ROBO2: variants seen among roughly 807,000 people sequenced by gnomAD.
ROBO2 encodes roundabout guidance receptor 2.
ROBO2 carries 53 observed loss-of-function variants against 160.8 expected under a neutral mutation model. The observed-to-expected ratio is 0.33, with a 90% CI of 0.26 to 0.41. ROBO2 has a LOEUF of 0.41. Among genes scored for constraint, ROBO2 ranks in the 10% least tolerant of loss-of-function variants. The pLI, the probability that ROBO2 is intolerant of heterozygous loss-of-function variation, is 1.00. For synonymous variants in ROBO2, 664 were observed against 611.7 expected, an observed-to-expected ratio of 1.09 and a Z score of -1.26; for missense variants, 1,577 against 1,722.4, an observed-to-expected ratio of 0.92 and a Z score of 1.49.
At chr3:77,388,017 A>T (rs2074312641) in intron 2 of ROBO2, among the ~76,000 whole-genome samples, 1 of 152,082 alleles carries the variant, frequency 6.6e-6, no homozygotes, top group African/African-American at 2.4e-5. Flanking sequence ...AAAAAAGAAA[A>T]AAAAATGAGT....
chr3:76,193,646 C>A (rs1419969317), intron 2 of ROBO2, among the ~76,000 whole-genome samples: 1 of 152,148 alleles, frequency 6.6e-6, no homozygotes, highest in Non-Finnish European at 1.5e-5. Context: ...AGGGGAAAAT[C>A]TTTCGAAACT....
intron 2 of ROBO2, among the ~76,000 whole-genome samples, chr3:76,032,499 T>C (rs1021613305): frequency 6.6e-6 from 1 of 152,246 alleles, no homozygotes; most frequent in African/African-American, 2.4e-5. Flanking sequence ...CATTTAGTGC[T>C]ATAAATTTCC....
chr3:77,039,090 A>G (rs1414224990), upstream of ROBO2, among the ~76,000 whole-genome samples: 2 of 152,258 alleles, frequency 1.3e-5, no homozygotes, highest in African/African-American at 4.8e-5. Context: ...GTAACATAAG[A>G]GGGGCTGCCT....
intron 2 of ROBO2, among the ~76,000 whole-genome samples, chr3:76,417,585 G>A (rs1017097853): frequency 6.6e-6 from 1 of 152,026 alleles, no homozygotes; most frequent in Non-Finnish European, 1.5e-5. Flanking sequence ...AAAAAAAGGA[G>A]GGGTTTATTC....
At chr3:77,133,807 T>G (rs72891540) in intron 2 of ROBO2, among the ~76,000 whole-genome samples, 1 of 152,076 alleles carries the variant, frequency 6.6e-6, no homozygotes, top group Non-Finnish European at 1.5e-5. Flanking sequence ...ATTTGTTTGT[T>G]ATATATGTTG....
chr3:76,000,883 T>C (rs537196803), intron 2 of ROBO2, among the ~76,000 whole-genome samples: 3 of 152,336 alleles, frequency 2.0e-5, no homozygotes, highest in Non-Finnish European at 2.9e-5. Flanking sequence ...TTTGTCATTA[T>C]AGCTTATGCT....
At chr3:76,037,276 TAGAC>T (rs2067140802) in intron 2 of ROBO2, among the ~76,000 whole-genome samples, 1 of 150,644 alleles carries the variant, frequency 6.6e-6, no homozygotes, top group Non-Finnish European at 1.5e-5. Context: ...TTTTTTTTTT[TAGAC>T]AGAGTATCAC....
chr3:77,287,325 A>G (rs779417422), intron 2 of ROBO2, among the ~76,000 whole-genome samples: 1 of 152,058 alleles, frequency 6.6e-6, no homozygotes, highest in East Asian at 1.9e-4. Flanking sequence ...AACATCGTTT[A>G]TCTTTCAAAA....
chr3:77,178,909 A>G (rs1447642908), intron 2 of ROBO2, among the ~76,000 whole-genome samples: 3 of 152,012 alleles, frequency 2.0e-5, no homozygotes, highest in Admixed American at 6.6e-5. Flanking sequence ...TTTCAGCATT[A>G]GTCTTACTCG....
At chr3:76,002,601 TAA>T (rs1260223681) in intron 2 of ROBO2, among the ~76,000 whole-genome samples, 159 of 152,278 alleles carry the variant, frequency 1.0e-3, no homozygotes, top group Non-Finnish European at 1.9e-3. Flanking sequence ...AATGAGCCTT[TAA>T]TCTTCTGCCA....
intron 1 of ROBO2, among the ~76,000 whole-genome samples, chr3:75,930,101 C>G (rs1947471555): frequency 1.3e-5 from 2 of 152,178 alleles, no homozygotes; most frequent in Admixed American, 1.3e-4. Context: ...CCATTACGAA[C>G]CTCTGTTCCC....
At chr3:77,112,184 G>A (rs2073682933) in intron 2 of ROBO2, among the ~76,000 whole-genome samples, 1 of 119,808 alleles carries the variant, frequency 8.3e-6, no homozygotes, top group Non-Finnish European at 1.6e-5. Context: ...GACAGAGCGA[G>A]ACTCGTCTCA....
chr3:76,888,636 G>T (rs1287739294), intron 2 of ROBO2, among the ~76,000 whole-genome samples: 1 of 152,114 alleles, frequency 6.6e-6, no homozygotes, highest in Non-Finnish European at 1.5e-5. Flanking sequence ...TGTTATCTAG[G>T]TTGTGTTTAC....
chr3:77,195,718 C>T (rs964694581), intron 2 of ROBO2, among the ~76,000 whole-genome samples: 2 of 152,120 alleles, frequency 1.3e-5, no homozygotes, highest in Admixed American at 1.3e-4. Context: ...CTGTACTTGC[C>T]TTGCAAAATT....
At chr3:77,132,386 G>GTT (rs11425383) in intron 2 of ROBO2, among the ~76,000 whole-genome samples, 4 of 151,188 alleles carry the variant, frequency 2.6e-5, no homozygotes, top group Admixed American at 1.3e-4. Context: ...ATTAATATGG[G>GTT]TTTTTTTTGG....
intron 2 of ROBO2, among the ~76,000 whole-genome samples, chr3:77,165,585 G>C (rs1361242139): frequency 6.7e-6 from 1 of 148,390 alleles, no homozygotes; most frequent in Non-Finnish European, 1.5e-5. Flanking sequence ...AAAAAAATCA[G>C]TGATAATTTG....
intron 2 of ROBO2, among the ~76,000 whole-genome samples, chr3:76,358,531 T>A (rs1208881909): frequency 6.6e-6 from 1 of 152,066 alleles, no homozygotes; most frequent in African/African-American, 2.4e-5. Context: ...TTTCTATGCC[T>A]AGTTGTATTA....
intron 2 of ROBO2, among the ~76,000 whole-genome samples, chr3:77,347,740 T>C (rs2067828543): frequency 6.6e-6 from 1 of 152,154 alleles, no homozygotes; most frequent in East Asian, 1.9e-4. Flanking sequence ...ATTGATATAC[T>C]TTCTTCACTA....
At position 76,179,287 on chromosome 3, in the gene ROBO2, A is replaced by T. The variant is rs577473867; in HGVS notation, c.109+241685A>T. Among the ~76,000 whole-genome samples the T allele has an allele frequency of 2.6e-5, 4 of 152,232 alleles. No homozygotes were observed. In the South Asian group the frequency reaches 8.3e-4, roughly 32 times the overall value. On this transcript the variant is annotated intron_variant, in intron 2 of 26. Coordinates refer to the ROBO2 transcript ENST00000487694. ...TCCAGTCTAATTAACAGGTTATCAC[A>T]GTCTACCTGAAGACTTTCAAAGCAC...
Sources: gnomAD v4.1 joint callset for allele counts (sites outside exome capture counted in the v4.1 genomes callset) on GRCh38, gnomAD v4.1.1 for gene constraint, MANE v1.5 for transcripts, NCBI Gene and HGNC (gene_info 2026-07-23, HGNC 2026-07-21) for gene names.